The following FN3K variants were observed in gnomAD, a reference collection of about 807,000 sequenced individuals.
FN3K encodes the protein fructosamine-3-kinase.
A neutral mutation model predicts 24.8 loss-of-function variants in FN3K; 24 were observed. That is an observed-to-expected ratio of 0.97 (90% CI 0.70 to 1.36). The LOEUF (loss-of-function observed/expected upper bound fraction) is 1.36. Among genes scored for constraint, FN3K ranks in the 40% most tolerant of loss-of-function variants. The pLI, the probability that FN3K is intolerant of heterozygous loss-of-function variation, is 0.00. For synonymous variants in FN3K, 192 were observed against 175.2 expected, an observed-to-expected ratio of 1.10 and a Z score of -0.76; for missense variants, 449 against 416.7, an observed-to-expected ratio of 1.08 and a Z score of -0.67.
At chr17:82,747,524 C>T (rs559856084) in intron 4 of FN3K, among the ~76,000 whole-genome samples, 31 of 152,280 alleles carry the variant, frequency 2.0e-4, no homozygotes, top group African/African-American at 7.2e-4. Context: ...CCTCAGCCTC[C>T]CGAGTAGCTG....
intron 2 of FN3K, among the ~76,000 whole-genome samples, chr17:82,739,368 A>G (rs1034464813): frequency 2.6e-5 from 4 of 152,010 alleles, no homozygotes; most frequent in African/African-American, 9.7e-5. Flanking sequence ...GGCTCACTGC[A>G]AACTCCGCCT....
Position 82,750,531 on chromosome 17 carries a change from G to T in FN3K, c.706G>T (p.Ala236Ser). Residue 236 changes from alanine (A) to serine (S), a missense_variant, in exon 6 of 6, where the codon GCT (alanine) becomes TCT (serine). Physicochemically the swap from Ala to Ser is moderately conservative, Grantham distance 99 (BLOSUM62 1). Coordinates refer to ENST00000300784, the MANE Select transcript of FN3K (RefSeq NM_022158.4). ...DDVGPIIYDP[A>S]SFYGHSEFEL... ...CGTGGGGCCCATTATTTACGACCCG[G>T]CTTCCTTCTATGGCCATTCCGAGTT... 1 of 1,614,174 alleles carries T rather than the reference G, an allele frequency of 6.2e-7. No individual in the cohort carries two copies. The highest frequency in any genetic ancestry group is 8.5e-7 in the Non-Finnish European group (1 of 1,180,022).
chr17:82,740,713 T>G, intron 2 of FN3K, 50 bp from the exon 3 acceptor site: 1 of 1,242,010 alleles, frequency 8.1e-7, no homozygotes, highest in Non-Finnish European at 1.2e-6. Flanking sequence ...AACTGGGTGG[T>G]GTTATTTATT....
rs770937053 is a variant in FN3K, at chr17:82,741,321, T to C, written c.396T>C (p.Gly132=). 6.2e-7 allele frequency: 1 copy of C among 1,613,608 alleles called. No individual in the cohort carries two copies. The highest frequency in any genetic ancestry group is 8.5e-7 in the Non-Finnish European group (1 of 1,179,830). The change falls in exon 4 of 6, where the codon GGT becomes GGC. Residue 132 remains glycine (G), a synonymous_variant. Transcript: ENST00000300784. ...KEEENTVGRR[G]EGAEPQYVDK... is the part of the protein sequence containing the mutation. Reference sequence around the variant, plus strand: ...GATCTCTGTCAACAGGCCGAAGAGGTGAGGGTGCTGAGCCTCAGTATGTGG... The same window carrying C: ...GATCTCTGTCAACAGGCCGAAGAGGCGAGGGTGCTGAGCCTCAGTATGTGG...
chr17:82,736,676 G>A (rs910733538), intron 1 of FN3K, among the ~76,000 whole-genome samples: 1 of 152,202 alleles, frequency 6.6e-6, no homozygotes, highest in Non-Finnish European at 1.5e-5. Context: ...ACACTCTGGT[G>A]GGGGAGCTCT....
intron 4 of FN3K, among the ~76,000 whole-genome samples, chr17:82,746,778 T>C (rs2046971021): frequency 6.6e-6 from 1 of 151,984 alleles, no homozygotes; most frequent in Non-Finnish European, 1.5e-5. Context: ...GCACTCCACC[T>C]GGGCAACAAG....
rs762781539 is a variant in FN3K at position 82,738,520 on chromosome 17, G to T, written c.173G>T (p.Ser58Ile). The stretch of plus-strand genomic sequence containing the variant: ...CAGATGTTTGAGGGGGAGGTGGCCA[G>T]CCTGGAGGCCCTCAGGAGCACGGGC... Reference protein sequence around the residue: ...ARQMFEGEVASLEALRSTGLV... With the variant: ...ARQMFEGEVAILEALRSTGLV... The change falls in exon 2 of 6, where the codon AGC becomes ATC. Residue 58 changes from serine to isoleucine, a missense_variant. Physicochemically the swap from Ser to Ile is moderately radical, Grantham distance 142 (BLOSUM62 -2). Transcript: ENST00000300784. 42 of 1,611,960 alleles carry T rather than the reference G, an allele frequency of 2.6e-5. No individual in the cohort carries two copies. The highest frequency in any genetic ancestry group is 3.3e-5 in the Non-Finnish European group (39 of 1,179,348).
At chr17:82,747,370 G>A (rs1241770277) in intron 4 of FN3K, among the ~76,000 whole-genome samples, 1 of 152,118 alleles carries the variant, frequency 6.6e-6, no homozygotes, top group Non-Finnish European at 1.5e-5. Context: ...TAAAATATTT[G>A]AGGATTTCCC....
At position 82,750,868 on chromosome 17, in the gene FN3K, G is replaced by A; in HGVS notation, c.*113G>A. The A allele has an allele frequency of 3.1e-6, 2 of 638,500 alleles. No individual in the cohort carries two copies. Among genetic ancestry groups the A allele is most frequent in the Non-Finnish European group, 4.8e-6 (2 of 412,400 alleles). 39.6% of individuals were successfully genotyped at this position (638,500 alleles called of 1,614,324 possible). ...CCTGTCCCCCTGTTCCCGTCTCCCC[G>A]TCCCTCCGTCTCCATCCCCCCGTCC... On this transcript the variant is annotated 3_prime_UTR_variant, in exon 6 of 6. Coordinates refer to ENST00000300784, the MANE Select transcript of FN3K (RefSeq NM_022158.4).
intron 4 of FN3K, 108 bp downstream of exon 4, chr17:82,741,501 T>G: frequency 9.6e-7 from 1 of 1,038,020 alleles, no homozygotes; most frequent in South Asian, 1.4e-5. Context: ...GACTACTTGA[T>G]TTCTGAAAGC....
intron 4 of FN3K, among the ~76,000 whole-genome samples, chr17:82,744,353 G>A (rs1348649311): frequency 6.6e-6 from 1 of 152,196 alleles, no homozygotes; most frequent in Non-Finnish European, 1.5e-5. Context: ...TTTGATGTTT[G>A]TACCTGTGAA....
At position 82,738,645 on chromosome 17, in the gene FN3K, G is replaced by C; in HGVS notation, c.293+5G>C. On this transcript the variant is annotated splice_donor_5th_base_variant and intron_variant, in intron 2 of 5. Coordinates refer to ENST00000300784, the MANE Select transcript of FN3K (RefSeq NM_022158.4). The stretch of plus-strand genomic sequence containing the variant: ...GAAGATGAAGAGCTTGAGCAGGTGA[G>C]TGTGTGTGAGACCCATATGCGCACA... 2 of 1,613,800 alleles carry C rather than the reference G, an allele frequency of 1.2e-6. No individual in the cohort carries two copies. The highest frequency in any genetic ancestry group is 1.7e-6 in the Non-Finnish European group (2 of 1,179,870).
chr17:82,741,646 T>C, intron 4 of FN3K: 2 of 455,604 alleles, frequency 4.4e-6, no homozygotes, highest in South Asian at 4.1e-5. Context: ...GTGCAAAGGT[T>C]GTGTTGCACA....
chr17:82,745,376 T>C, intron 4 of FN3K: 1 of 157,338 alleles, frequency 6.4e-6, no homozygotes. Flanking sequence ...GGTAAGGTCA[T>C]AGATTAACAG....
intron 5 of FN3K, 43 bp downstream of exon 5, chr17:82,749,020 C>T (rs1468575326): frequency 6.2e-7 from 1 of 1,613,294 alleles, no homozygotes; most frequent in Admixed American, 1.7e-5. Flanking sequence ...CTGGTCCTCT[C>T]ATGATCCCGC....
intron 4 of FN3K, among the ~76,000 whole-genome samples, chr17:82,743,699 GATA>G (rs1393859160): frequency 2.6e-5 from 4 of 152,262 alleles, no homozygotes; most frequent in African/African-American, 9.6e-5. Flanking sequence ...TAACCAGGCA[GATA>G]ATGTCACTGA....
rs2047023269 is a variant in FN3K at position 82,750,881 on chromosome 17, C to T, written c.*126C>T. The stretch of plus-strand genomic sequence containing the variant: ...TCCCGTCTCCCCGTCCCTCCGTCTC[C>T]ATCCCCCCGTCCCCCCATCCTCCTG... On this transcript the variant is annotated 3_prime_UTR_variant, in exon 6 of 6. Transcript: ENST00000300784. 1.7e-6 allele frequency: 1 copy of T among 595,726 alleles called. No individual in the cohort carries two copies. The allele number at this position is 595,726 out of a possible 1,614,324, so 36.9% of individuals were successfully genotyped here.
intron 1 of FN3K, 67 bp from the exon 2 acceptor site, chr17:82,738,422 C>G (rs1365437525): frequency 1.4e-5 from 22 of 1,604,460 alleles, no homozygotes; most frequent in South Asian, 2.2e-5. Flanking sequence ...TAGCTTCTGT[C>G]AAGGGCCCAG....
rs372219082 is a variant in FN3K at position 82,749,542 on chromosome 17, T to C, written c.591+565T>C. Reference sequence around the variant, plus strand: ...AACCGTGCATGGTGGTGCATGCCTGTAATCCCAGCTACTCAGGAGGCTGAG... The same window carrying C: ...AACCGTGCATGGTGGTGCATGCCTGCAATCCCAGCTACTCAGGAGGCTGAG... On this transcript the variant is annotated intron_variant, in intron 5 of 5. Transcript: ENST00000300784. The C allele has an allele frequency of 1.1e-4, 21 of 186,036 alleles. No individual in the cohort carries two copies. The East Asian group carries it at 2.9e-3, about 26-fold the overall frequency. 11.5% of individuals were successfully genotyped at this position (186,036 alleles called of 1,614,324 possible). A position where few individuals can be genotyped will look rare whatever the true frequency, so the allele number is the denominator to read the frequency against.
Sources: allele counts gnomAD v4.1 joint callset (sites outside exome capture counted in the v4.1 genomes callset), GRCh38; gene constraint gnomAD v4.1.1; transcripts MANE v1.5; gene names NCBI Gene and HGNC (gene_info 2026-07-23, HGNC 2026-07-21).